ZFYVE9: variants seen among roughly 807,000 people sequenced by gnomAD.
ZFYVE9 encodes zinc finger FYVE-type containing 9.
In ZFYVE9, 43 loss-of-function variants were observed where a neutral mutation model predicts 126.7. The observed-to-expected ratio is 0.34, with a 90% CI of 0.27 to 0.44. The LOEUF (loss-of-function observed/expected upper bound fraction) is 0.44. Ranked by LOEUF, ZFYVE9 falls within the 20% of genes least tolerant of loss-of-function variation. The probability of loss-of-function intolerance (pLI) is 1.00; values close to 1 mark genes in which losing one functional copy is unlikely to be tolerated. For synonymous variants in ZFYVE9, 521 were observed against 597.4 expected (o/e 0.87, Z 1.87); for missense variants, 1,476 against 1,697.0 (o/e 0.87, Z 2.29).
intron 10 of ZFYVE9, among the ~76,000 whole-genome samples, chr1:52,286,956 C>T (rs1371285447): frequency 6.6e-6 from 1 of 152,128 alleles, no homozygotes; most frequent in East Asian, 1.9e-4. Flanking sequence ...TGCTATTTCC[C>T]CACACCCCAA....
chr1:52,146,126 A>G (rs1219113168), intron 1 of ZFYVE9, among the ~76,000 whole-genome samples: 4 of 152,138 alleles, frequency 2.6e-5, no homozygotes, highest in Non-Finnish European at 5.9e-5. Context: ...TGATTTGCAT[A>G]GCACTTACAA....
chr1:52,151,263 C>T (rs1644353918), intron 1 of ZFYVE9, among the ~76,000 whole-genome samples: 1 of 152,018 alleles, frequency 6.6e-6, no homozygotes, highest in South Asian at 2.1e-4. Flanking sequence ...TGTAGTGTGC[C>T]ATCTTTCTGG....
intron 2 of ZFYVE9, among the ~76,000 whole-genome samples, chr1:52,231,179 T>C (rs904166782): frequency 6.6e-6 from 1 of 152,206 alleles, no homozygotes; most frequent in Non-Finnish European, 1.5e-5. Flanking sequence ...AAAATGATTT[T>C]GACCTATAAA....
At chr1:52,341,533 A>G (rs978488814) in intron 17 of ZFYVE9, among the ~76,000 whole-genome samples, 39 of 152,268 alleles carry the variant, frequency 2.6e-4, no homozygotes, top group Non-Finnish European at 4.4e-4. Flanking sequence ...AAGCTGGTAG[A>G]TCTTAGATCC....
chr1:52,190,459 G>A (rs906098191), intron 1 of ZFYVE9: 2 of 152,140 alleles, frequency 1.3e-5, no homozygotes, highest in Non-Finnish European at 2.9e-5. Flanking sequence ...TGCACAATAT[G>A]GATTAGATTC....
intron 1 of ZFYVE9, among the ~76,000 whole-genome samples, chr1:52,166,075 C>T (rs1442067073): frequency 1.3e-5 from 2 of 152,146 alleles, no homozygotes; most frequent in African/African-American, 4.8e-5. Flanking sequence ...TCCATTTTGT[C>T]ACACAGAATA....
At chr1:52,252,827 C>T (rs1454560071) in intron 4 of ZFYVE9, 30 of 315,132 alleles carry the variant, frequency 9.5e-5, no homozygotes, top group South Asian at 3.6e-4. Flanking sequence ...CCAGAGGTTG[C>T]GGCCAACAAT....
At chr1:52,328,317 G>T (rs1646311342) in intron 13 of ZFYVE9, among the ~76,000 whole-genome samples, 1 of 152,142 alleles carries the variant, frequency 6.6e-6, no homozygotes, top group Non-Finnish European at 1.5e-5. Flanking sequence ...ATAGATACAA[G>T]AACATTACAG....
At chr1:52,268,769 GTAAA>G in intron 7 of ZFYVE9, 137 bp downstream of exon 7, 1 of 1,050,736 alleles carries the variant, frequency 9.5e-7, no homozygotes, top group African/African-American at 1.6e-5. Context: ...TATGGATAAA[GTAAA>G]TGTGGCAAAA....
At chr1:52,196,256 A>G (rs891367146) in intron 1 of ZFYVE9, among the ~76,000 whole-genome samples, 1 of 152,228 alleles carries the variant, frequency 6.6e-6, no homozygotes, top group African/African-American at 2.4e-5. Context: ...AGAATGTGCT[A>G]AATGTTGAAG....
intron 10 of ZFYVE9, among the ~76,000 whole-genome samples, chr1:52,286,285 G>T (rs1001628383): frequency 1.3e-4 from 20 of 151,978 alleles, no homozygotes; most frequent in Non-Finnish European, 2.1e-4. Flanking sequence ...ACTAGCTTAG[G>T]GTTATTCTGC....
rs191070832 is a variant in ZFYVE9 at position 52,217,126 on chromosome 1, T to C, written c.-37+652T>C. Among the ~76,000 whole-genome samples the C allele has an allele frequency of 3.0e-3, 456 of 152,350 alleles. 2 individuals are homozygous for C. The highest frequency in any genetic ancestry group is 0.01 in the African/African-American group (433 of 41,588). ...TGCAGAAGGGTGCTGCTTGCACCTA[T>C]TACAAATGCAAGAGCACACCGAACA... is the stretch of plus-strand genomic sequence containing the variant. On this transcript the variant is annotated intron_variant, in intron 2 of 18. Coordinates refer to ENST00000287727, the MANE Select transcript of ZFYVE9 (RefSeq NM_004799.4).
intron 1 of ZFYVE9, among the ~76,000 whole-genome samples, chr1:52,215,492 C>G (rs1326853167): frequency 6.6e-6 from 1 of 152,042 alleles, no homozygotes; most frequent in African/African-American, 2.4e-5. Flanking sequence ...TTTGTAATGT[C>G]AGGAAATTTT....
chr1:52,239,564 A>G lies in ZFYVE9; in HGVS notation c.2147A>G (p.Lys716Arg). 2 of 1,613,970 alleles carry G rather than the reference A, an allele frequency of 1.2e-6. No individual in the cohort carries two copies. Among genetic ancestry groups the G allele is most frequent in the South Asian group, 2.2e-5 (2 of 91,072 alleles). ...TGTGAAGCCAGGTTTACATTCACCA[A>G]AAGGAGGCATCACTGCAGAGCATGT... ...MKCEARFTFT[K>R]RRHHCRACGK... The change falls in exon 4 of 19, where the codon AAA becomes AGA. Residue 716 changes from lysine to arginine, a missense_variant. By Grantham distance (26) the Lys-to-Arg change is conservative. Transcript: ENST00000287727.
chr1:52,144,876 G>A (rs1417642218), intron 1 of ZFYVE9, among the ~76,000 whole-genome samples: 1 of 152,080 alleles, frequency 6.6e-6, no homozygotes, highest in Non-Finnish European at 1.5e-5. Context: ...CTTACCTTGC[G>A]AGGCTTTTAG....
intron 3 of ZFYVE9, among the ~76,000 whole-genome samples, chr1:52,237,062 C>A (rs573924848): frequency 6.6e-6 from 1 of 152,234 alleles, no homozygotes; most frequent in Admixed American, 6.5e-5. Flanking sequence ...AATTATGATA[C>A]AGAGTGTAGA....
chr1:52,333,807 AAAGC>A (rs1358326381), intron 14 of ZFYVE9, among the ~76,000 whole-genome samples: 35 of 149,698 alleles, frequency 2.3e-4, no homozygotes, highest in African/African-American at 7.9e-4. Flanking sequence ...AAAAAAAAAA[AAAGC>A]AGGGCATGGT....
In ZFYVE9 at chr1:52,337,760, A is replaced by G; in HGVS notation, c.3671-12A>G. 1 of 1,613,480 alleles carries G rather than the reference A, an allele frequency of 6.2e-7. No individual in the cohort carries two copies. Among genetic ancestry groups the G allele is most frequent in the African/African-American group, 1.3e-5 (1 of 75,038 alleles). Reference sequence around the variant, plus strand: ...TCATTTGCCTCTCCTTTGGCTTTGTACTGATTCTTAGATGGTGTTATGGTC... The same window carrying G: ...TCATTTGCCTCTCCTTTGGCTTTGTGCTGATTCTTAGATGGTGTTATGGTC... On this transcript the variant is annotated splice_polypyrimidine_tract_variant and intron_variant, in intron 15 of 18. Coordinates refer to ENST00000287727, the MANE Select transcript of ZFYVE9 (RefSeq NM_004799.4).
chr1:52,283,557 A>G (rs916098745), intron 10 of ZFYVE9, among the ~76,000 whole-genome samples: 1 of 152,242 alleles, frequency 6.6e-6, no homozygotes, highest in Non-Finnish European at 1.5e-5. Context: ...GTACACAACA[A>G]CATGCATGAA....
Sources: gnomAD v4.1 joint callset for allele counts (sites outside exome capture counted in the v4.1 genomes callset) on GRCh38, gnomAD v4.1.1 for gene constraint, MANE v1.5 for transcripts, NCBI Gene and HGNC (gene_info 2026-07-23, HGNC 2026-07-21) for gene names.